The following ZNF804A variants were observed in gnomAD, a reference collection of about 807,000 sequenced individuals.
ZNF804A encodes the protein zinc finger protein 804A.
ZNF804A carries 2 observed loss-of-function variants against 16.5 expected under a neutral mutation model. The observed-to-expected ratio is 0.12, with a 90% CI of 0.05 to 0.38. The LOEUF is 0.38. ZNF804A is among the 10% of genes least tolerant of loss of function. ZNF804A has a pLI of 0.99. For missense variants in ZNF804A, 1,473 were observed against 1,390.7 expected (o/e 1.06, Z -0.94); for synonymous variants, 534 against 489.6 (o/e 1.09, Z -1.20).
chr2:184,691,062 A>G (rs1439554760), intron 1 of ZNF804A, among the ~76,000 whole-genome samples: 2 of 152,038 alleles, frequency 1.3e-5, no homozygotes, highest in Non-Finnish European at 2.9e-5. Context: ...AATAAGATAT[A>G]TTTAGCGGGG....
intron 1 of ZNF804A, among the ~76,000 whole-genome samples, chr2:184,829,941 A>C (rs1244139153): frequency 3.6e-4 from 53 of 146,106 alleles, no homozygotes; most frequent in African/African-American, 1.3e-3. Context: ...AAAAAAAAAA[A>C]ACCACACACA....
intron 1 of ZNF804A, among the ~76,000 whole-genome samples, chr2:184,651,474 C>CA (rs762718242): frequency 1.3e-5 from 2 of 151,756 alleles, no homozygotes; most frequent in Non-Finnish European, 2.9e-5. Flanking sequence ...TTCTGAACAG[C>CA]AAAAAAATTA....
chr2:184,767,727 A>G (rs1694151141), intron 1 of ZNF804A, among the ~76,000 whole-genome samples: 1 of 152,128 alleles, frequency 6.6e-6, no homozygotes, highest in Non-Finnish European at 1.5e-5. Context: ...TATAATTTCA[A>G]TATTAGGAGT....
intron 1 of ZNF804A, among the ~76,000 whole-genome samples, chr2:184,730,664 A>G (rs1436216270): frequency 2.6e-5 from 4 of 152,046 alleles, no homozygotes; most frequent in East Asian, 3.9e-4. Flanking sequence ...ACTTGGTGCT[A>G]TGTATTTATG....
intron 1 of ZNF804A, among the ~76,000 whole-genome samples, chr2:184,689,574 T>C (rs1176264125): frequency 6.6e-6 from 1 of 152,054 alleles, no homozygotes; most frequent in African/African-American, 2.4e-5. Context: ...ATTTTAGGTC[T>C]GGTCATAAAA....
intron 1 of ZNF804A, among the ~76,000 whole-genome samples, chr2:184,773,718 G>T (rs1481175170): frequency 6.6e-6 from 1 of 151,754 alleles, no homozygotes; most frequent in Non-Finnish European, 1.5e-5. Context: ...CTCGGTGATG[G>T]ATGCACCAAA....
intron 2 of ZNF804A, among the ~76,000 whole-genome samples, chr2:184,929,375 A>G (rs1175017876): frequency 6.6e-6 from 1 of 152,064 alleles, no homozygotes; most frequent in African/African-American, 2.4e-5. Context: ...TTTTTCATTC[A>G]TTTGTTTTTC....
At chr2:184,695,753 T>C (rs922929762) in intron 1 of ZNF804A, among the ~76,000 whole-genome samples, 1 of 152,220 alleles carries the variant, frequency 6.6e-6, no homozygotes, top group South Asian at 2.1e-4. Flanking sequence ...TTAGGGCATC[T>C]TGTCACCAAA....
intron 1 of ZNF804A, among the ~76,000 whole-genome samples, chr2:184,790,159 T>C (rs561307718): frequency 1.3e-5 from 2 of 152,260 alleles, no homozygotes; most frequent in East Asian, 3.9e-4. Context: ...TATTGATTTT[T>C]AACTTTATTC....
At chr2:184,743,697 T>C (rs1559139808) in intron 1 of ZNF804A, among the ~76,000 whole-genome samples, 1 of 151,854 alleles carries the variant, frequency 6.6e-6, no homozygotes, top group Non-Finnish European at 1.5e-5. Context: ...TATTAAAATA[T>C]TAAAATGGGA....
intron 1 of ZNF804A, among the ~76,000 whole-genome samples, chr2:184,772,623 T>G (rs1694233233): frequency 1.3e-5 from 2 of 151,828 alleles, no homozygotes; most frequent in Non-Finnish European, 2.9e-5. Flanking sequence ...TTTTGAATCT[T>G]TTGAGTATGT....
Position 184,856,473 on chromosome 2 carries a change from G to T in ZNF804A, c.112-9896G>T, listed in dbSNP as rs536768620. Among the ~76,000 whole-genome samples, 3 of 152,158 alleles carry T rather than the reference G, an allele frequency of 2.0e-5. No homozygotes were observed. The South Asian group carries it at 6.2e-4, about 32-fold the overall frequency. On this transcript the variant is annotated intron_variant, in intron 1 of 3. Transcript: ENST00000302277. ...CCATTTACACAAGTATTCTGGGGTT[G>T]CTACTGTGTTGCTTAGTTACCCTGA...
intron 1 of ZNF804A, among the ~76,000 whole-genome samples, chr2:184,733,897 G>A (rs982114968): frequency 2.7e-5 from 4 of 150,488 alleles, no homozygotes; most frequent in Non-Finnish European, 5.9e-5. Flanking sequence ...CAATTTGTGT[G>A]CACTTTTTTT....
At chr2:184,731,847 A>G (rs1693526538) in intron 1 of ZNF804A, among the ~76,000 whole-genome samples, 1 of 152,084 alleles carries the variant, frequency 6.6e-6, no homozygotes, top group African/African-American at 2.4e-5. Flanking sequence ...AAGTGCTGGG[A>G]TTACAGATGT....
At chr2:184,660,275 A>G (rs984030967) in intron 1 of ZNF804A, among the ~76,000 whole-genome samples, 5 of 152,232 alleles carry the variant, frequency 3.3e-5, no homozygotes, top group Admixed American at 2.6e-4. Context: ...AGAATAGGAC[A>G]TGTTTTTATT....
At chr2:184,880,007 C>T (rs762320302) in intron 2 of ZNF804A, among the ~76,000 whole-genome samples, 1 of 151,942 alleles carries the variant, frequency 6.6e-6, no homozygotes, top group Non-Finnish European at 1.5e-5. Context: ...GTAGCAATTA[C>T]ATGTTACTGA....
intron 1 of ZNF804A, among the ~76,000 whole-genome samples, chr2:184,628,835 CAA>C (rs1369683301): frequency 2.0e-5 from 3 of 152,050 alleles, no homozygotes; most frequent in Non-Finnish European, 4.4e-5. Flanking sequence ...AAATGTTTTT[CAA>C]AGAGACTTTA....
intron 2 of ZNF804A, among the ~76,000 whole-genome samples, chr2:184,886,676 C>A (rs1428360899): frequency 6.6e-6 from 1 of 152,234 alleles, no homozygotes; most frequent in African/African-American, 2.4e-5. Flanking sequence ...AGGCTCAACA[C>A]CATGTGAAAG....
At chr2:184,879,990 C>CA (rs897985394) in intron 2 of ZNF804A, among the ~76,000 whole-genome samples, 10 of 151,898 alleles carry the variant, frequency 6.6e-5, no homozygotes, top group Non-Finnish European at 1.2e-4. Context: ...ACCTTCTTAT[C>CA]AAAAATGTAG....
Sources: gnomAD v4.1 joint callset for allele counts (sites outside exome capture counted in the v4.1 genomes callset) on GRCh38, gnomAD v4.1.1 for gene constraint, MANE v1.5 for transcripts, NCBI Gene and HGNC (gene_info 2026-07-23, HGNC 2026-07-21) for gene names.